Variants in COL6A3 observed in about 807,000 individuals in gnomAD.
The protein encoded by COL6A3 is collagen type VI alpha 3 chain.
A neutral mutation model predicts 274.1 loss-of-function variants in COL6A3; 137 were observed. The observed-to-expected ratio is 0.50, with a 90% CI of 0.44 to 0.58. The LOEUF is 0.58. Ranked by LOEUF, COL6A3 falls within the 20% of genes least tolerant of loss-of-function variation. The probability of loss-of-function intolerance (pLI) is 0.00; values close to 1 mark genes in which losing one functional copy is unlikely to be tolerated. For missense variants in COL6A3, 3,950 were observed against 4,124.9 expected (o/e 0.96, Z 1.16); for synonymous variants, 1,650 against 1,650.6 (o/e 1.00, Z 0.01).
chr2:237,408,707 T>C (rs2078780555), intron 1 of COL6A3, among the ~76,000 whole-genome samples: 1 of 152,238 alleles, frequency 6.6e-6, no homozygotes, highest in South Asian at 2.1e-4. Flanking sequence ...TTTCCCATTG[T>C]ACTTTTCCCT....
At chr2:237,351,089 G>C in intron 27 of COL6A3, 41 bp downstream of exon 27, 1 of 1,598,398 alleles carries the variant, frequency 6.3e-7, no homozygotes, top group Non-Finnish European at 8.6e-7. Context: ...TGCCTGGCTG[G>C]TCCCTGTCCT....
In COL6A3 at chr2:237,360,153, G is replaced by A. The variant is rs1306849935; in HGVS notation, c.6217C>T (p.Arg2073Cys). 5 of 1,614,120 alleles carry A rather than the reference G, an allele frequency of 3.1e-6. No homozygotes were observed. The highest frequency in any genetic ancestry group is 2.2e-5 in the East Asian group (1 of 44,876). The change falls in exon 17 of 44, where the codon CGT (arginine) becomes TGT (cysteine). Residue 2073 changes from arginine (R) to cysteine (C), a missense_variant. By Grantham distance (180) the Arg-to-Cys change is radical. Around this residue, in one of 5 missense-constraint regions of COL6A3, gnomAD observed 92 missense variants for 143.4 expected, o/e 0.64. Transcript: ENST00000295550. The part of the protein sequence containing the change: ...YPGDEGGPGE[R>C]GPPGVNGTQG... ...GTGCCGTTCACACCAGGCGGACCAC[G>A]CTCACCCTGTTGTGAGAGACAAAGG...
chr2:237,395,354 A>T (rs1385748651), intron 2 of COL6A3, 150 bp from the exon 3 acceptor site: 1 of 839,918 alleles, frequency 1.2e-6, no homozygotes, highest in African/African-American at 1.7e-5. Flanking sequence ...AGACTCACTT[A>T]CCTGGGAACC....
intron 42 of COL6A3, among the ~76,000 whole-genome samples, chr2:237,331,940 C>A (rs1285460576): frequency 6.7e-6 from 1 of 149,388 alleles, no homozygotes; most frequent in East Asian, 2.0e-4. Context: ...AACACAAGCC[C>A]CAATTTCAAA....
chr2:237,359,962 G>T, intron 17 of COL6A3, 126 bp downstream of exon 17: 2 of 959,602 alleles, frequency 2.1e-6, no homozygotes, highest in Non-Finnish European at 3.3e-6. Flanking sequence ...CCAATGAGAG[G>T]TCACGGGCTG....
chr2:237,406,187 C>T (rs2078714968), intron 1 of COL6A3, among the ~76,000 whole-genome samples: 1 of 152,112 alleles, frequency 6.6e-6, no homozygotes, highest in Non-Finnish European at 1.5e-5. Context: ...AATCATATTC[C>T]AATGAATATG....
intron 4 of COL6A3, among the ~76,000 whole-genome samples, chr2:237,383,105 A>T (rs2078051550): frequency 6.6e-6 from 1 of 152,182 alleles, no homozygotes; most frequent in African/African-American, 2.4e-5. Flanking sequence ...AGCCTAGAAC[A>T]CATTTTTGAA....
intron 1 of COL6A3, among the ~76,000 whole-genome samples, chr2:237,409,285 CTCTT>C (rs556604255): frequency 1.1e-4 from 17 of 151,980 alleles, no homozygotes; most frequent in African/African-American, 3.9e-4. Context: ...AGAATGTATT[CTCTT>C]TTTTTATTAT....
intron 41 of COL6A3, among the ~76,000 whole-genome samples, chr2:237,334,234 C>A (rs1311057433): frequency 6.6e-6 from 1 of 152,168 alleles, no homozygotes. Flanking sequence ...CCCTAAGGAG[C>A]CAGTGACTGG....
In COL6A3 at chr2:237,374,352, T is replaced by G. The variant is rs574790631; in HGVS notation, c.3679+60A>C. The G allele has an allele frequency of 6.2e-7, 1 of 1,600,672 alleles. No homozygotes were observed. The highest frequency in any genetic ancestry group is 8.5e-7 in the Non-Finnish European group (1 of 1,178,372). ...ATTGAGAACACCTTGTGGCCCACAGTCCAGACAAGTAGCCCCAGACAATGA... is the reference window on the plus strand; with the variant it reads ...ATTGAGAACACCTTGTGGCCCACAGGCCAGACAAGTAGCCCCAGACAATGA... On this transcript the variant is annotated intron_variant, in intron 8 of 43. Transcript: ENST00000295550. This position sits in a 1 kb window ranked among gnomAD's most constrained non-coding sequence, Gnocchi z 4.8.
At chr2:237,341,851 GAA>G (rs1258715942) in intron 37 of COL6A3, among the ~76,000 whole-genome samples, 1 of 152,146 alleles carries the variant, frequency 6.6e-6, no homozygotes, top group African/African-American at 2.4e-5. Flanking sequence ...CCTATAAAAT[GAA>G]TTATCCGCCA....
intron 14 of COL6A3, 105 bp downstream of exon 14, chr2:237,363,148 C>G (rs1257233854): frequency 9.6e-6 from 11 of 1,144,626 alleles, no homozygotes; most frequent in Non-Finnish European, 1.4e-5. Flanking sequence ...CCAAGGCCCC[C>G]CCCCCACCTC....
chr2:237,406,724 C>A (rs1055311286), intron 1 of COL6A3, among the ~76,000 whole-genome samples: 2 of 152,014 alleles, frequency 1.3e-5, no homozygotes, highest in African/African-American at 4.8e-5. Flanking sequence ...TTTATTAAGT[C>A]CTGCAATTAG....
At position 237,364,254 on chromosome 2, in the gene COL6A3, G is replaced by C. The variant is rs1001128372; in HGVS notation, c.5917+96C>G. 2.1e-6 allele frequency: 2 copies of C among 961,174 alleles called. No homozygotes were observed. Among genetic ancestry groups the C allele is most frequent in the African/African-American group, 1.6e-5 (1 of 62,556 alleles). The allele number at this position is 961,174 out of a possible 1,614,324, so 59.5% of individuals were successfully genotyped here. On this transcript the variant is annotated intron_variant, in intron 13 of 43. Transcript: ENST00000295550. This position sits in a 1 kb window ranked among gnomAD's most constrained non-coding sequence, Gnocchi z 4.6. ...CTCCCAAGACAACGCTGCTCCCTTG[G>C]GGCGCTGCATTAGCAGAGAGGTTTC...
rs1420061688 is a variant in COL6A3, at chr2:237,364,014, A to AT, written c.5917+335dup. On this transcript the variant is annotated intron_variant, in intron 13 of 43. Coordinates refer to ENST00000295550, the MANE Select transcript of COL6A3 (RefSeq NM_004369.4). This position sits in a 1 kb window ranked among gnomAD's most constrained non-coding sequence, Gnocchi z 4.6. ...CTGCAAACCAAAAATAGAGCAATGT[A>AT]TTTTTATTAGTAACTAATTCCTAGT... is the stretch of plus-strand genomic sequence containing the variant. Among the ~76,000 whole-genome samples the AT allele has an allele frequency of 6.6e-6, 1 of 152,216 alleles. No homozygotes were observed.
chr2:237,398,913 G>T (rs1176005369), intron 1 of COL6A3, among the ~76,000 whole-genome samples: 1 of 152,146 alleles, frequency 6.6e-6, no homozygotes, highest in Non-Finnish European at 1.5e-5. Flanking sequence ...AAGTTATTCA[G>T]CATCTACTAT....
chr2:237,351,657 A>G (rs181215200), intron 26 of COL6A3, among the ~76,000 whole-genome samples: 1 of 152,322 alleles, frequency 6.6e-6, no homozygotes, highest in African/African-American at 2.4e-5. Context: ...AAATAACATA[A>G]AAGAGATGGT....
Position 237,368,628 on chromosome 2 carries a change from G to A in COL6A3, c.4835C>T (p.Ser1612Leu), listed in dbSNP as rs201532239. The A allele has an allele frequency of 5.3e-5, 86 of 1,614,110 alleles. 1 individual carries two copies. The South Asian group carries it at 8.2e-4, about 15-fold the overall frequency. Residue 1612 changes from serine to leucine, a missense_variant, in exon 10 of 44, where the codon TCG becomes TTG. By Grantham distance (145) the Ser-to-Leu change is moderately radical. This residue lies in a region of COL6A3 where 632 missense variants were observed against 623.4 expected (regional missense o/e 1.01). Coordinates refer to ENST00000295550, the MANE Select transcript of COL6A3 (RefSeq NM_004369.4). This position sits in a 1 kb window ranked among gnomAD's most constrained non-coding sequence, Gnocchi z 4.4. ...LPNIEERIMN[S>L]FGPSAATPAP... ...AGGAGTGGCTGCGGAGGGTCCAAAC[G>A]AGTTCATGATTCTTTCTTCTATGTT...
At chr2:237,403,187 T>C (rs940526971) in intron 1 of COL6A3, among the ~76,000 whole-genome samples, 1 of 152,118 alleles carries the variant, frequency 6.6e-6, no homozygotes. Flanking sequence ...TCCTCCTGCC[T>C]GAGGTCAGGC....
Sources: allele counts gnomAD v4.1 joint callset (sites outside exome capture counted in the v4.1 genomes callset), GRCh38; gene constraint gnomAD v4.1.1; regional missense constraint gnomAD v4.1.1; non-coding constraint Gnocchi (gnomAD v3.1); transcripts MANE v1.5; gene names NCBI Gene and HGNC (gene_info 2026-07-23, HGNC 2026-07-21).